TBC1D21: variants seen among roughly 807,000 people sequenced by gnomAD.
The protein encoded by TBC1D21 is male germ cell Rab GTPase-activating protein.
In TBC1D21, 38 loss-of-function variants were observed where a neutral mutation model predicts 46.0. That is an observed-to-expected ratio of 0.83 (90% CI 0.64 to 1.08). TBC1D21 has a LOEUF of 1.08. Ranked by LOEUF, TBC1D21 falls within the 50% of genes least tolerant of loss-of-function variation. The probability of loss-of-function intolerance (pLI) is 0.00; values close to 1 mark genes in which losing one functional copy is unlikely to be tolerated. For synonymous variants in TBC1D21, 151 were observed against 157.2 expected (o/e 0.96, Z 0.29); for missense variants, 415 against 417.9 (o/e 0.99, Z 0.06).
downstream of TBC1D21, among the ~76,000 whole-genome samples, chr15:73,891,368 C>T (rs62007101): frequency 0.45 from 69,186 of 152,102 alleles, 17,247 homozygotes; most frequent in Middle Eastern, 0.63. Flanking sequence ...ACCATTTGGA[C>T]TGCTCTAATG....
At chr15:73,875,389 G>T (rs957558718) in intron 1 of TBC1D21, among the ~76,000 whole-genome samples, 6 of 152,144 alleles carry the variant, frequency 3.9e-5, no homozygotes, top group Non-Finnish European at 7.4e-5. Flanking sequence ...CTTTATTGGA[G>T]GTTCTGTGGC....
Position 73,881,708 on chromosome 15 carries a change from G to T in TBC1D21, c.233G>T (p.Ser78Ile). 1 of 1,613,914 alleles carries T rather than the reference G, an allele frequency of 6.2e-7. No homozygotes were observed. Reference protein sequence around the residue: ...KFLTGYFSWQSSQDERLTVDS... With the variant: ...KFLTGYFSWQISQDERLTVDS... ...CTCACGGGCTACTTCTCATGGCAGA[G>T]TTCCCAGGATGAGCGGCTCACGGTG... Residue 78 changes from serine to isoleucine, a missense_variant, in exon 3 of 11, where the codon AGT (serine) becomes ATT (isoleucine). Transcript: ENST00000300504.
Position 73,885,937 on chromosome 15 carries a change from A to C in TBC1D21, c.580-141A>C, listed in dbSNP as rs926482465. ...TGTATGCACACACTCACACACACAC[A>C]CTCAGACTCATAGAGACATGGGCCC... On this transcript the variant is annotated intron_variant, in intron 6 of 10. Transcript: ENST00000300504. 3 of 658,332 alleles carry C rather than the reference A, an allele frequency of 4.6e-6. No individual in the cohort carries two copies. The African/African-American group carries it at 5.4e-5, about 12-fold the overall frequency. 40.8% of individuals were successfully genotyped at this position (658,332 alleles called of 1,614,324 possible).
At chr15:73,902,897 A>C in the TBC1D21 span, among the ~76,000 whole-genome samples, 1 of 152,092 alleles carries the variant, frequency 6.6e-6, no homozygotes, top group East Asian at 1.9e-4. Flanking sequence ...CCCCCTCTAC[A>C]TTTCCATCAA....
At chr15:73,899,983 G>T in the TBC1D21 span, among the ~76,000 whole-genome samples, 1 of 152,176 alleles carries the variant, frequency 6.6e-6, no homozygotes, top group Non-Finnish European at 1.5e-5. Flanking sequence ...AGGAGTCCTG[G>T]GGCCCCGCCC....
Position 73,888,456 on chromosome 15 carries a change from T to C in TBC1D21, c.921T>C (p.Asp307=). 6.2e-7 allele frequency: 1 copy of C among 1,614,024 alleles called. No individual in the cohort carries two copies. Among genetic ancestry groups the C allele is most frequent in the East Asian group, 2.2e-5 (1 of 44,888 alleles). ...LLACNNLIDL[D]ADELISAACV... ...CCTGCAACAACCTCATCGACCTTGA[T>C]GCTGATGAGCTGATCTCTGCCGCCT... The change falls in exon 10 of 11, where the codon GAT becomes GAC. Residue 307 remains aspartate, a synonymous_variant. Coordinates refer to ENST00000300504, the MANE Select transcript of TBC1D21 (RefSeq NM_153356.3).
chr15:73,888,966 G>T, intron 10 of TBC1D21, 103 bp from the exon 11 acceptor site: 1 of 1,417,522 alleles, frequency 7.1e-7, no homozygotes, highest in Non-Finnish European at 9.8e-7. Flanking sequence ...ATCCCAGTGG[G>T]TCTGGGCACC....
intron 1 of TBC1D21, among the ~76,000 whole-genome samples, chr15:73,879,516 C>A (rs1165942814): frequency 6.6e-6 from 1 of 152,078 alleles, no homozygotes; most frequent in African/African-American, 2.4e-5. Context: ...CCATGCCTGG[C>A]CTGTTTTGCC....
chr15:73,886,199 C>T (rs2068242864), intron 7 of TBC1D21, 25 bp downstream of exon 7: 1 of 1,599,282 alleles, frequency 6.3e-7, no homozygotes, highest in Non-Finnish European at 8.6e-7. Flanking sequence ...CCTCCTGCCA[C>T]CTCACGCACC....
chr15:73,908,689 G>C, the TBC1D21 span: 1 of 152,808 alleles, frequency 6.5e-6, no homozygotes, highest in Non-Finnish European at 1.5e-5. Context: ...CACAGCAGCT[G>C]CTTACAGACA....
intron 8 of TBC1D21, among the ~76,000 whole-genome samples, chr15:73,886,835 T>C (rs1484257791): frequency 6.6e-6 from 1 of 152,216 alleles, no homozygotes; most frequent in Non-Finnish European, 1.5e-5. Context: ...CTGTGCCTTC[T>C]GCTAGCAGTT....
the TBC1D21 span, among the ~76,000 whole-genome samples, chr15:73,902,257 G>A: frequency 3.9e-5 from 6 of 152,118 alleles, no homozygotes; most frequent in African/African-American, 9.7e-5. Context: ...CCTGCCTGCC[G>A]TGGCCCTCCT....
At chr15:73,875,292 G>A (rs1340947891) in intron 1 of TBC1D21, among the ~76,000 whole-genome samples, 1 of 137,162 alleles carries the variant, frequency 7.3e-6, no homozygotes, top group Non-Finnish European at 1.6e-5. Flanking sequence ...AAGGAAGGAA[G>A]GAGGGAAGGA....
the TBC1D21 span, among the ~76,000 whole-genome samples, chr15:73,898,880 A>AATATATATATATAT: frequency 9.7e-4 from 55 of 56,774 alleles, no homozygotes; most frequent in South Asian, 1.8e-3. Context: ...AAAAAAAAAA[A>AATATATATATATAT]ATATATATAT....
At chr15:73,898,883 AT>A in the TBC1D21 span, among the ~76,000 whole-genome samples, 140 of 99,510 alleles carry the variant, frequency 1.4e-3, 2 homozygotes, top group East Asian at 7.5e-3. Context: ...AAAAAAAAAT[AT>A]ATATATATAT....
At chr15:73,878,924 T>A (rs914989328) in intron 1 of TBC1D21, among the ~76,000 whole-genome samples, 5 of 152,204 alleles carry the variant, frequency 3.3e-5, no homozygotes, top group African/African-American at 1.2e-4. Context: ...GAGAACATGA[T>A]GACAATCAGA....
chr15:73,906,128 G>T, the TBC1D21 span, among the ~76,000 whole-genome samples: 3 of 152,214 alleles, frequency 2.0e-5, no homozygotes, highest in East Asian at 5.8e-4. Flanking sequence ...GTCCCAGAAA[G>T]TTTGTTGTGC....
downstream of TBC1D21, among the ~76,000 whole-genome samples, chr15:73,889,952 G>A (rs374779034): frequency 6.6e-5 from 10 of 152,280 alleles, no homozygotes; most frequent in African/African-American, 2.4e-4. Flanking sequence ...GGCTGAAACT[G>A]CAGAAGGGTT....
downstream of TBC1D21, among the ~76,000 whole-genome samples, chr15:73,893,660 G>A (rs1335822609): frequency 6.6e-6 from 1 of 152,210 alleles, no homozygotes; most frequent in Non-Finnish European, 1.5e-5. Context: ...CCCAGGGTCT[G>A]TGTTACCCCC....
Sources: allele counts gnomAD v4.1 joint callset (sites outside exome capture counted in the v4.1 genomes callset), GRCh38; gene constraint gnomAD v4.1.1; transcripts MANE v1.5; gene names NCBI Gene and HGNC (gene_info 2026-07-23, HGNC 2026-07-21).